Variants in RNF150 observed in about 807,000 individuals in gnomAD.
The protein encoded by RNF150 is ring finger protein 150.
A neutral mutation model predicts 39.3 loss-of-function variants in RNF150; 24 were observed. The ratio of observed to expected loss-of-function variants is 0.61; its 90% CI spans 0.44 to 0.86. The LOEUF (loss-of-function observed/expected upper bound fraction) is 0.86, where lower values mean the gene tolerates loss of function less well. RNF150 is among the 40% of genes least tolerant of loss of function. The pLI is 0.00. For missense variants in RNF150, 502 were observed against 587.8 expected (o/e 0.85, Z 1.51); for synonymous variants, 255 against 227.3 (o/e 1.12, Z -1.10).
intron 1 of RNF150, among the ~76,000 whole-genome samples, chr4:141,092,653 G>T (rs1487715333): frequency 6.6e-6 from 1 of 151,822 alleles, no homozygotes; most frequent in Non-Finnish European, 1.5e-5. Flanking sequence ...GGTCCCAGAG[G>T]ATATAAAGTG....
chr4:140,982,554 G>T (rs1733895207), intron 1 of RNF150, among the ~76,000 whole-genome samples: 1 of 148,368 alleles, frequency 6.7e-6, no homozygotes. Context: ...TTCAGCAGGA[G>T]GATGAGCAGA....
At chr4:141,156,470 C>T (rs1727401956) in intron 1 of RNF150, among the ~76,000 whole-genome samples, 1 of 151,952 alleles carries the variant, frequency 6.6e-6, no homozygotes, top group East Asian at 1.9e-4. Context: ...ATTTTAGAGA[C>T]GAGGTCTTTC....
chr4:140,952,812 G>C (rs1272042203), intron 2 of RNF150, among the ~76,000 whole-genome samples: 1 of 152,214 alleles, frequency 6.6e-6, no homozygotes, highest in Non-Finnish European at 1.5e-5. Flanking sequence ...TTGAGGGAAA[G>C]AGAGTAAAAG....
intron 1 of RNF150, among the ~76,000 whole-genome samples, chr4:141,018,703 G>C (rs1266412781): frequency 4.6e-5 from 7 of 152,084 alleles, no homozygotes. Context: ...TGCTCAGAAA[G>C]GGTCCCCAGC....
At chr4:141,072,873 A>G (rs756947285) in intron 1 of RNF150, among the ~76,000 whole-genome samples, 3 of 152,164 alleles carry the variant, frequency 2.0e-5, no homozygotes, top group African/African-American at 4.8e-5. Flanking sequence ...AGGCTTCCAT[A>G]TTTAAAAACA....
chr4:140,995,381 T>A (rs1354865489), intron 1 of RNF150, among the ~76,000 whole-genome samples: 13 of 152,180 alleles, frequency 8.5e-5, no homozygotes. Context: ...TCAGAGGCAG[T>A]GCTGCAGTCA....
rs183947157 is a variant in RNF150 at position 141,078,559 on chromosome 4, A to G, written c.484+53766T>C. ...AGCACTTTGGGAGGTCAAGGTGGGCAGATCACGAAGTCAGGAGATAGACCA... is the reference window on the plus strand; with the variant it reads ...AGCACTTTGGGAGGTCAAGGTGGGCGGATCACGAAGTCAGGAGATAGACCA... On this transcript the variant is annotated intron_variant, in intron 1 of 6. Coordinates refer to ENST00000515673, the MANE Select transcript of RNF150 (RefSeq NM_020724.2). 1.3e-3 allele frequency among the ~76,000 whole-genome samples: 201 copies of G among 151,816 alleles called. 1 individual carries two copies. Among genetic ancestry groups the G allele is most frequent in the South Asian group, 1.7e-3 (8 of 4,798 alleles).
At chr4:141,008,908 A>T (rs1268999192) in intron 1 of RNF150, among the ~76,000 whole-genome samples, 4 of 152,072 alleles carry the variant, frequency 2.6e-5, no homozygotes, top group Non-Finnish European at 4.4e-5. Context: ...TTTTTACATA[A>T]ATTTAACATT....
At chr4:141,149,411 CA>C in intron 1 of RNF150, among the ~76,000 whole-genome samples, 1 of 152,210 alleles carries the variant, frequency 6.6e-6, no homozygotes, top group Admixed American at 6.5e-5. Flanking sequence ...CCAGAGTCCC[CA>C]AAGTCCAATA....
chr4:141,211,300 A>C (rs1011981262), intron 1 of RNF150, among the ~76,000 whole-genome samples: 2 of 152,160 alleles, frequency 1.3e-5, no homozygotes, highest in Non-Finnish European at 2.9e-5. Flanking sequence ...GTTTGGCTTT[A>C]TTGTGGTTAA....
upstream of RNF150, among the ~76,000 whole-genome samples, chr4:141,137,747 C>T (rs955041069): frequency 3.9e-5 from 6 of 152,160 alleles, no homozygotes; most frequent in African/African-American, 1.2e-4. Flanking sequence ...CATACACAAT[C>T]GCCAAATTAC....
chr4:141,185,387 G>T (rs922112382), intron 1 of RNF150, among the ~76,000 whole-genome samples: 4 of 152,192 alleles, frequency 2.6e-5, no homozygotes, highest in African/African-American at 9.7e-5. Flanking sequence ...TTTGTATCCT[G>T]AGACTTTGCT....
intron 1 of RNF150, among the ~76,000 whole-genome samples, chr4:141,042,433 G>T (rs1736405508): frequency 6.6e-6 from 1 of 151,908 alleles, no homozygotes; most frequent in African/African-American, 2.4e-5. Context: ...TCAAAAGCTG[G>T]CTACATTCTA....
At chr4:140,955,530 A>C (rs191052745) in intron 2 of RNF150, among the ~76,000 whole-genome samples, 229 of 152,310 alleles carry the variant, frequency 1.5e-3, no homozygotes, top group Non-Finnish European at 2.3e-3. Flanking sequence ...TTATCAGCTC[A>C]TGATTTTCAT....
chr4:140,917,418 C>A (rs555243666), intron 5 of RNF150, among the ~76,000 whole-genome samples: 1 of 151,978 alleles, frequency 6.6e-6, no homozygotes, highest in East Asian at 1.9e-4. Flanking sequence ...GACTTTAAAC[C>A]AACAAAGATC....
At chr4:141,085,142 G>A (rs1738311897) in intron 1 of RNF150, among the ~76,000 whole-genome samples, 1 of 152,218 alleles carries the variant, frequency 6.6e-6, no homozygotes, top group Non-Finnish European at 1.5e-5. Context: ...AGTCATGATG[G>A]AAGGTGAAGG....
At chr4:141,044,331 G>T (rs1348093906) in intron 1 of RNF150, among the ~76,000 whole-genome samples, 1 of 152,104 alleles carries the variant, frequency 6.6e-6, no homozygotes, top group Non-Finnish European at 1.5e-5. Context: ...TGAGTTCAGT[G>T]GTACTTCCTA....
At chr4:140,957,151 A>T (rs1055008082) in intron 2 of RNF150, among the ~76,000 whole-genome samples, 1 of 151,742 alleles carries the variant, frequency 6.6e-6, no homozygotes, top group Non-Finnish European at 1.5e-5. Context: ...TTCGCAACCT[A>T]CTCATCTGAC....
intron 1 of RNF150, among the ~76,000 whole-genome samples, chr4:141,171,286 C>A (rs1318080588): frequency 6.6e-6 from 1 of 152,170 alleles, no homozygotes. Context: ...TCCCTGAGAA[C>A]TTTCCACTAA....
Sources: allele counts gnomAD v4.1 joint callset (sites outside exome capture counted in the v4.1 genomes callset), GRCh38; gene constraint gnomAD v4.1.1; transcripts MANE v1.5; gene names NCBI Gene and HGNC (gene_info 2026-07-23, HGNC 2026-07-21).